FYN: variants seen among roughly 807,000 people sequenced by gnomAD.
The protein encoded by FYN is tyrosine-protein kinase Fyn.
Under a neutral mutation model 70.2 loss-of-function variants are expected in FYN, and 10 were observed. That is an observed-to-expected ratio of 0.14 (90% confidence interval 0.09 to 0.24). FYN has a LOEUF of 0.24. Among genes scored for constraint, FYN ranks in the 10% least tolerant of loss-of-function variants. The pLI, the probability that FYN is intolerant of heterozygous loss-of-function variation, is 1.00. For synonymous variants in FYN, 236 were observed against 248.6 expected (o/e 0.95, Z 0.48); for missense variants, 319 against 673.1 (o/e 0.47, Z 5.82).
intron 4 of FYN, among the ~76,000 whole-genome samples, chr6:111,719,276 T>C (rs1368265767): frequency 2.1e-5 from 3 of 140,990 alleles, no homozygotes; most frequent in African/African-American, 8.0e-5. Context: ...GGCAGCAGAA[T>C]ATAGCCTTGT....
At chr6:111,673,508 A>T (rs977892169) in intron 13 of FYN, among the ~76,000 whole-genome samples, 3 of 152,012 alleles carry the variant, frequency 2.0e-5, no homozygotes, top group African/African-American at 7.2e-5. Flanking sequence ...GAACAAAGGG[A>T]TTACAAATTA....
chr6:111,861,036 A>T (rs1773948179), intron 1 of FYN, among the ~76,000 whole-genome samples: 1 of 152,238 alleles, frequency 6.6e-6, no homozygotes, highest in Admixed American at 6.5e-5. Context: ...CAAAATCTGG[A>T]TTCTAAACCA....
At chr6:111,862,242 C>T (rs545545881) in intron 1 of FYN, among the ~76,000 whole-genome samples, 8 of 152,234 alleles carry the variant, frequency 5.3e-5, no homozygotes, top group African/African-American at 1.9e-4. Context: ...TGGATGAAAA[C>T]CTGATGGCAG....
At chr6:111,738,760 A>C (rs1184598876) in intron 3 of FYN, among the ~76,000 whole-genome samples, 1 of 152,200 alleles carries the variant, frequency 6.6e-6, no homozygotes, top group Non-Finnish European at 1.5e-5. Flanking sequence ...CCCTGGCTGA[A>C]AGAGGAAACA....
intron 1 of FYN, among the ~76,000 whole-genome samples, chr6:111,853,289 C>T (rs1773735486): frequency 6.6e-6 from 1 of 151,690 alleles, no homozygotes; most frequent in South Asian, 2.1e-4. Flanking sequence ...ATCAGAGATA[C>T]AAATCATATT....
At chr6:111,866,456 C>T (rs1774109298) in intron 1 of FYN, among the ~76,000 whole-genome samples, 1 of 152,248 alleles carries the variant, frequency 6.6e-6, no homozygotes, top group Admixed American at 6.5e-5. Flanking sequence ...ATTCGCCTGC[C>T]TCAGGCTCCC....
At chr6:111,669,507 T>C (rs1213699188) in intron 13 of FYN, among the ~76,000 whole-genome samples, 2 of 136,400 alleles carry the variant, frequency 1.5e-5, no homozygotes, top group African/African-American at 5.4e-5. Flanking sequence ...ACAAAACAGG[T>C]GTTCGGTTAA....
At position 111,800,565 on chromosome 6, in the gene FYN, C is replaced by T. The variant is rs574079773; in HGVS notation, c.-81-19930G>A. ...TCTAAAACGGGAACGACTGCAACCG[C>T]GCTTCCTAAATCTGTCACAGGCTCA... is the stretch of plus-strand genomic sequence containing the variant. On this transcript the variant is annotated intron_variant, in intron 2 of 13. Transcript: ENST00000354650. Among the ~76,000 whole-genome samples, 19 of 152,302 alleles carry T rather than the reference C, an allele frequency of 1.2e-4. No individual in the cohort carries two copies. The South Asian group carries it at 1.5e-3, about 12-fold the overall frequency.
At chr6:111,758,136 G>A (rs1583414068) in intron 3 of FYN, among the ~76,000 whole-genome samples, 2 of 152,292 alleles carry the variant, frequency 1.3e-5, no homozygotes, top group African/African-American at 4.8e-5. Flanking sequence ...AGCAAAGATA[G>A]TAGACTGATT....
chr6:111,671,150 C>G (rs1327965634), intron 13 of FYN, among the ~76,000 whole-genome samples: 1 of 152,216 alleles, frequency 6.6e-6, no homozygotes, highest in Non-Finnish European at 1.5e-5. Context: ...TTCTCTACCA[C>G]CCCCGTTAAT....
chr6:111,821,062 A>C (rs1772643510), intron 2 of FYN, among the ~76,000 whole-genome samples: 1 of 152,216 alleles, frequency 6.6e-6, no homozygotes, highest in Non-Finnish European at 1.5e-5. Context: ...AATTTTAAAA[A>C]CATAACCTGA....
intron 3 of FYN, among the ~76,000 whole-genome samples, chr6:111,753,123 C>T (rs1343182005): frequency 1.3e-5 from 2 of 152,174 alleles, no homozygotes; most frequent in Non-Finnish European, 2.9e-5. Context: ...AGTGTCAAGG[C>T]ATGATATATG....
intron 2 of FYN, among the ~76,000 whole-genome samples, chr6:111,837,588 A>G (rs1012074252): frequency 6.6e-6 from 1 of 152,220 alleles, no homozygotes; most frequent in Non-Finnish European, 1.5e-5. Flanking sequence ...AAGGGGGTAC[A>G]ACAAGTAGAA....
At chr6:111,790,808 C>T (rs1771590557) in intron 2 of FYN, among the ~76,000 whole-genome samples, 2 of 152,104 alleles carry the variant, frequency 1.3e-5, no homozygotes, top group African/African-American at 4.8e-5. Context: ...TTCATCAACA[C>T]AAATCTCCAT....
intron 3 of FYN, among the ~76,000 whole-genome samples, chr6:111,773,750 C>A (rs531465557): frequency 6.6e-6 from 1 of 152,064 alleles, no homozygotes; most frequent in African/African-American, 2.4e-5. Context: ...CTTTTAGAAT[C>A]CCTTCAACAT....
chr6:111,809,239 T>C (rs939899649), intron 2 of FYN, among the ~76,000 whole-genome samples: 7 of 152,190 alleles, frequency 4.6e-5, no homozygotes, highest in African/African-American at 1.4e-4. Context: ...GGTTGAAGAA[T>C]AGCTTTATCC....
At chr6:111,707,824 G>T in intron 6 of FYN, 98 bp downstream of exon 6, 1 of 936,128 alleles carries the variant, frequency 1.1e-6, no homozygotes. Context: ...AATCACTGCT[G>T]TGAATTTCTT....
intron 3 of FYN, among the ~76,000 whole-genome samples, chr6:111,733,985 G>C (rs1333845070): frequency 6.6e-6 from 1 of 152,146 alleles, no homozygotes; most frequent in Non-Finnish European, 1.5e-5. Flanking sequence ...TACTTGGGGG[G>C]CTGGGGCGGG....
chr6:111,841,549 A>G (rs772218201), intron 2 of FYN, among the ~76,000 whole-genome samples: 1 of 152,222 alleles, frequency 6.6e-6, no homozygotes, highest in Non-Finnish European at 1.5e-5. Context: ...TTTTCCTCAC[A>G]TACAACGTGG....
Sources: allele counts gnomAD v4.1 joint callset (sites outside exome capture counted in the v4.1 genomes callset), GRCh38; gene constraint gnomAD v4.1.1; transcripts MANE v1.5; gene names NCBI Gene and HGNC (gene_info 2026-07-23, HGNC 2026-07-21).